The following IRAG1 variants were observed in gnomAD, a reference collection of about 807,000 sequenced individuals.
IRAG1 encodes the protein IP3R-associated cGMP kinase substrate.
A neutral mutation model predicts 106.2 loss-of-function variants in IRAG1; 62 were observed. That is an observed-to-expected ratio of 0.58 (90% CI 0.48 to 0.72). IRAG1 has a LOEUF of 0.72. IRAG1 is among the 30% of genes least tolerant of loss of function. IRAG1 has a pLI of 0.00. For missense variants in IRAG1, 1,064 were observed against 1,140.7 expected (o/e 0.93, Z 0.97); for synonymous variants, 462 against 443.9 (o/e 1.04, Z -0.51).
At chr11:10,678,011 G>GTCTGTCTATCTA (rs1491365322) in intron 1 of IRAG1, among the ~76,000 whole-genome samples, 11 of 142,176 alleles carry the variant, frequency 7.7e-5, no homozygotes, top group African/African-American at 2.5e-4. Context: ...CTCTCTATCT[G>GTCTGTCTATCTA]TCTATCTATC....
At chr11:10,670,592 A>T (rs1338682488) in intron 1 of IRAG1, among the ~76,000 whole-genome samples, 1 of 152,220 alleles carries the variant, frequency 6.6e-6, no homozygotes, top group Admixed American at 6.5e-5. Context: ...CTATGGGCTT[A>T]ATTGTGCCCC....
intron 1 of IRAG1, among the ~76,000 whole-genome samples, chr11:10,675,961 C>T (rs1860621943): frequency 6.6e-6 from 1 of 152,232 alleles, no homozygotes; most frequent in Admixed American, 6.5e-5. Flanking sequence ...ACAAGCCTCT[C>T]CCCTGCCTCA....
At chr11:10,619,838 C>T (rs1855701679) in intron 10 of IRAG1, among the ~76,000 whole-genome samples, 1 of 152,270 alleles carries the variant, frequency 6.6e-6, no homozygotes, top group South Asian at 2.1e-4. Context: ...GACCCTAGAA[C>T]TGAGAGAAAA....
At chr11:10,615,299 T>C (rs1359280510) in intron 10 of IRAG1, among the ~76,000 whole-genome samples, 2 of 152,130 alleles carry the variant, frequency 1.3e-5, no homozygotes, top group East Asian at 3.8e-4. Flanking sequence ...CTGGAGAGGA[T>C]ATGGAGAAAT....
At chr11:10,615,542 T>A (rs1310619675) in intron 10 of IRAG1, among the ~76,000 whole-genome samples, 6 of 152,152 alleles carry the variant, frequency 3.9e-5, no homozygotes, top group African/African-American at 1.2e-4. Context: ...CAAATGTCCA[T>A]CAATGATAGA....
intron 1 of IRAG1, among the ~76,000 whole-genome samples, chr11:10,686,177 C>G (rs1861647074): frequency 1.3e-5 from 2 of 152,154 alleles, no homozygotes; most frequent in South Asian, 4.1e-4. Flanking sequence ...TTATTGGGTA[C>G]TTATTCAGGT....
chr11:10,598,438 A>G (rs1207827497), intron 15 of IRAG1, among the ~76,000 whole-genome samples: 1 of 152,236 alleles, frequency 6.6e-6, no homozygotes, highest in Admixed American at 6.5e-5. Context: ...TATTCTTTAC[A>G]TGTGAAGAGT....
At chr11:10,588,439 G>A (rs961428823) in intron 18 of IRAG1, among the ~76,000 whole-genome samples, 7 of 151,908 alleles carry the variant, frequency 4.6e-5, no homozygotes, top group Admixed American at 1.3e-4. Context: ...AACTTCTCCC[G>A]GCTGGGGTCA....
rs936198903 is a variant in IRAG1 at position 10,580,735 on chromosome 11, T to G, written c.2361-146A>C. 9 of 921,638 alleles carry G rather than the reference T, an allele frequency of 9.8e-6. No homozygotes were observed. The African/African-American group carries it at 1.5e-4, about 15-fold the overall frequency. The allele number at this position is 921,638 out of a possible 1,614,324, so 57.1% of individuals were successfully genotyped here. ...ACAAAACAGGAAAAAGCTGGGAAGC[T>G]CCACTGAATCCTAAGGCAGCTCACG... On this transcript the variant is annotated intron_variant, in intron 19 of 20. Coordinates refer to ENST00000423302, the MANE Select transcript of IRAG1 (RefSeq NM_130385.4).
intron 4 of IRAG1, among the ~76,000 whole-genome samples, chr11:10,630,734 C>T (rs1015364005): frequency 6.6e-6 from 1 of 152,252 alleles, no homozygotes; most frequent in Non-Finnish European, 1.5e-5. Flanking sequence ...TCCCAAGTCC[C>T]TCCACTTCAG....
At chr11:10,693,313 A>G (rs1862208586) in intron 1 of IRAG1, 2 of 870,366 alleles carry the variant, frequency 2.3e-6, no homozygotes, top group African/African-American at 3.4e-5. Flanking sequence ...CAAAAGGAGC[A>G]CAATCTAGTT....
intron 1 of IRAG1, among the ~76,000 whole-genome samples, chr11:10,680,380 G>GGAAA (rs1564942553): frequency 8.9e-5 from 5 of 56,402 alleles, no homozygotes; most frequent in Admixed American, 3.7e-4. Flanking sequence ...AAGGAAGGAA[G>GGAAA]GAAGGAAGGA....
intron 1 of IRAG1, among the ~76,000 whole-genome samples, chr11:10,663,724 A>G (rs539408013): frequency 6.6e-6 from 1 of 152,238 alleles, no homozygotes; most frequent in Non-Finnish European, 1.5e-5. Flanking sequence ...GAAAGTTCTC[A>G]ATACCTGGTG....
At chr11:10,609,088 G>A (rs1221271437) in intron 11 of IRAG1, among the ~76,000 whole-genome samples, 2 of 152,074 alleles carry the variant, frequency 1.3e-5, no homozygotes, top group South Asian at 2.1e-4. Context: ...TTTTTCCTCT[G>A]TAAATCTTAC....
chr11:10,587,855 C>T (rs539320204), intron 18 of IRAG1, among the ~76,000 whole-genome samples: 45 of 152,238 alleles, frequency 3.0e-4, no homozygotes, highest in African/African-American at 9.4e-4. Flanking sequence ...TCCAGTTGGG[C>T]GGTCTATTAA....
intron 1 of IRAG1, among the ~76,000 whole-genome samples, chr11:10,680,528 G>GAAGAAAGGAAGA (rs1474518285): frequency 2.2e-5 from 3 of 136,826 alleles, no homozygotes; most frequent in South Asian, 2.4e-4. Flanking sequence ...AGGAAGAAAG[G>GAAGAAAGGAAGA]AAGGAAGGAA....
intron 13 of IRAG1, among the ~76,000 whole-genome samples, chr11:10,603,877 G>A (rs1168844873): frequency 6.6e-6 from 1 of 152,188 alleles, no homozygotes; most frequent in Non-Finnish European, 1.5e-5. Context: ...ACCAGAACCC[G>A]ACCATGCTGG....
In IRAG1 at chr11:10,626,259, C is replaced by A; in HGVS notation, c.1075G>T (p.Ala359Ser). The stretch of plus-strand genomic sequence containing the variant: ...CCAGCTGGGCCTCTCCCCTGGGAGG[C>A]TGGGGGACCCACTCCTGCCGCATCC... Reference protein sequence around the residue: ...TQDAAGVGPPASQGRGPAGEP... With the variant: ...TQDAAGVGPPSSQGRGPAGEP... Residue 359 changes from alanine (A) to serine (S), a missense_variant, in exon 9 of 21, where the codon GCC becomes TCC. Physicochemically the swap from Ala to Ser is moderately conservative, Grantham distance 99. Transcript: ENST00000423302. 6.2e-7 allele frequency: 1 copy of A among 1,609,236 alleles called. No individual in the cohort carries two copies. The highest frequency in any genetic ancestry group is 8.5e-7 in the Non-Finnish European group (1 of 1,177,464).
At chr11:10,594,769 A>C (rs1853088157) in intron 15 of IRAG1, among the ~76,000 whole-genome samples, 1 of 152,224 alleles carries the variant, frequency 6.6e-6, no homozygotes. Flanking sequence ...TACCACCAGG[A>C]AACACCTGAG....
Sources: gnomAD v4.1 joint callset for allele counts (sites outside exome capture counted in the v4.1 genomes callset) on GRCh38, gnomAD v4.1.1 for gene constraint, MANE v1.5 for transcripts, NCBI Gene and HGNC (gene_info 2026-07-23, HGNC 2026-07-21) for gene names.